PHF24: variants seen among roughly 807,000 people sequenced by gnomAD.
PHF24 encodes Galpha inhibitory interacting protein.
PHF24 carries 25 observed loss-of-function variants against 42.6 expected under a neutral mutation model. The observed-to-expected ratio is 0.59, with a 90% CI of 0.43 to 0.82. The LOEUF is 0.82. PHF24 is among the 40% of genes least tolerant of loss of function. PHF24 has a pLI of 0.00. For missense variants in PHF24, 470 were observed against 538.1 expected, an observed-to-expected ratio of 0.87 and a Z score of 1.25; for synonymous variants, 185 against 204.8, an observed-to-expected ratio of 0.90 and a Z score of 0.83.
the PHF24 span, among the ~76,000 whole-genome samples, chr9:34,841,245 C>T: frequency 2.1e-4 from 32 of 152,242 alleles, 1 homozygote; most frequent in African/African-American, 7.2e-4. Flanking sequence ...GTGATCCTCC[C>T]GTCTCGGCCT....
intron 1 of PHF24, among the ~76,000 whole-genome samples, chr9:34,970,742 G>A (rs545281505): frequency 2.0e-5 from 3 of 152,298 alleles, no homozygotes; most frequent in South Asian, 4.1e-4. Context: ...CAACCATTTC[G>A]AAGTAGCAGA....
chr9:34,700,614 A>C, the PHF24 span, among the ~76,000 whole-genome samples: 2 of 152,134 alleles, frequency 1.3e-5, no homozygotes, highest in Non-Finnish European at 2.9e-5. Context: ...ATATTAATGG[A>C]AATGTTAAGT....
the PHF24 span, among the ~76,000 whole-genome samples, chr9:34,783,229 C>T: frequency 6.6e-6 from 1 of 152,172 alleles, no homozygotes. Context: ...CAGGTTTAGT[C>T]ATAAGCGTGA....
chr9:34,891,878 A>C, the PHF24 span, among the ~76,000 whole-genome samples: 1 of 152,192 alleles, frequency 6.6e-6, no homozygotes. Flanking sequence ...TGCCACTCCA[A>C]GGCTTTCACT....
the PHF24 span, among the ~76,000 whole-genome samples, chr9:34,810,536 A>G: frequency 6.6e-6 from 1 of 152,108 alleles, no homozygotes; most frequent in Admixed American, 6.5e-5. Flanking sequence ...GAGCTGCAGG[A>G]GCCTCGTGAT....
At chr9:34,702,629 T>G in the PHF24 span, among the ~76,000 whole-genome samples, 1 of 152,240 alleles carries the variant, frequency 6.6e-6, no homozygotes, top group South Asian at 2.1e-4. Context: ...CAATTCCCCT[T>G]AAAGTAGGCA....
At chr9:34,911,463 C>T in the PHF24 span, among the ~76,000 whole-genome samples, 36 of 151,990 alleles carry the variant, frequency 2.4e-4, no homozygotes, top group African/African-American at 8.2e-4. Context: ...CCATCTTGGC[C>T]GGCCGGTCTT....
the PHF24 span, among the ~76,000 whole-genome samples, chr9:34,740,497 C>T: frequency 2.0e-5 from 3 of 152,242 alleles, no homozygotes; most frequent in African/African-American, 7.2e-5. Context: ...CCCCTCATTG[C>T]CCGGGGCCGG....
chr9:34,793,793 T>A, the PHF24 span, among the ~76,000 whole-genome samples: 5 of 132,106 alleles, frequency 3.8e-5, no homozygotes, highest in Non-Finnish European at 5.0e-5. Context: ...TTTTTTTTTT[T>A]AAGTGTCCCA....
chr9:34,762,409 G>T, the PHF24 span, among the ~76,000 whole-genome samples: 31 of 151,558 alleles, frequency 2.0e-4, no homozygotes, highest in South Asian at 1.3e-3. Flanking sequence ...TGAGATGGTA[G>T]CTCATTGTGG....
chr9:34,670,148 T>C, the PHF24 span, among the ~76,000 whole-genome samples: 1 of 152,212 alleles, frequency 6.6e-6, no homozygotes, highest in African/African-American at 2.4e-5. Flanking sequence ...TTTGAGACCC[T>C]CCTAGACTTC....
chr9:34,674,977 C>T, the PHF24 span, among the ~76,000 whole-genome samples: 16 of 152,154 alleles, frequency 1.1e-4, no homozygotes, highest in African/African-American at 3.9e-4. Context: ...ATCCTCCTAC[C>T]TCCCAAGTAG....
At chr9:34,739,880 G>A in the PHF24 span, among the ~76,000 whole-genome samples, 6 of 152,100 alleles carry the variant, frequency 3.9e-5, no homozygotes, top group South Asian at 4.2e-4. Flanking sequence ...TTGACAGGGC[G>A]CTGATTGGTG....
chr9:34,732,431 G>C, the PHF24 span, among the ~76,000 whole-genome samples: 4 of 152,028 alleles, frequency 2.6e-5, no homozygotes, highest in East Asian at 7.7e-4. Flanking sequence ...TTTGACAAAA[G>C]ATCTTTTGTC....
At chr9:34,841,082 C>T in the PHF24 span, among the ~76,000 whole-genome samples, 1 of 152,084 alleles carries the variant, frequency 6.6e-6, no homozygotes, top group Admixed American at 6.6e-5. Flanking sequence ...TCACTGCAAG[C>T]TCCGCCTCCC....
At chr9:34,875,750 C>T in the PHF24 span, among the ~76,000 whole-genome samples, 111 of 152,094 alleles carry the variant, frequency 7.3e-4, no homozygotes, top group Non-Finnish European at 1.2e-3. Flanking sequence ...CCAGGTGTGT[C>T]GGTTCCTCTC....
At chr9:34,726,868 C>G in the PHF24 span, 1 of 1,551,704 alleles carries the variant, frequency 6.4e-7, no homozygotes, top group African/African-American at 1.4e-5. Flanking sequence ...TCAGGGAGAT[C>G]TGGTTGTTCT....
chr9:34,737,413 G>T, the PHF24 span, among the ~76,000 whole-genome samples: 2 of 152,150 alleles, frequency 1.3e-5, no homozygotes, highest in Admixed American at 6.5e-5. Flanking sequence ...CAATTACATG[G>T]ACATACCACA....
At chr9:34,950,994 A>T in the PHF24 span, among the ~76,000 whole-genome samples, 1 of 152,264 alleles carries the variant, frequency 6.6e-6, no homozygotes, top group East Asian at 1.9e-4. Context: ...GATATTCATG[A>T]ATGAAATAAG....
Sources: gnomAD v4.1 joint callset for allele counts (sites outside exome capture counted in the v4.1 genomes callset) on GRCh38, gnomAD v4.1.1 for gene constraint, MANE v1.5 for transcripts, NCBI Gene and HGNC (gene_info 2026-07-23, HGNC 2026-07-21) for gene names.